The following EPS8 variants were observed in gnomAD, a reference collection of about 807,000 sequenced individuals.
EPS8 encodes the protein EGFR pathway substrate 8, signaling adaptor, also known as epidermal growth factor receptor kinase substrate 8.
Under a neutral mutation model 103.8 loss-of-function variants are expected in EPS8, and 42 were observed. The observed-to-expected ratio is 0.40, with a 90% CI of 0.32 to 0.52. The LOEUF (loss-of-function observed/expected upper bound fraction) is 0.52. EPS8 is among the 20% of genes least tolerant of loss of function. The probability of loss-of-function intolerance (pLI) is 0.40; values close to 1 mark genes in which losing one functional copy is unlikely to be tolerated. For missense variants in EPS8, 969 were observed against 1,005.1 expected, an observed-to-expected ratio of 0.96 and a Z score of 0.49; for synonymous variants, 344 against 344.6, an observed-to-expected ratio of 1.00 and a Z score of 0.02.
At chr12:15,642,720 A>G (rs1278125984) in intron 15 of EPS8, among the ~76,000 whole-genome samples, 1 of 152,180 alleles carries the variant, frequency 6.6e-6, no homozygotes, top group Non-Finnish European at 1.5e-5. Flanking sequence ...GCAGGTAGAG[A>G]CTAAAGATGT....
chr12:15,739,021 A>G (rs1298194125), intron 1 of EPS8, among the ~76,000 whole-genome samples: 1 of 152,202 alleles, frequency 6.6e-6, no homozygotes, highest in Non-Finnish European at 1.5e-5. Flanking sequence ...TCCCTGGGTT[A>G]CTATTCTAAG....
rs181098885 is a variant in EPS8 at position 15,701,273 on chromosome 12, C to T, written c.-21-18301G>A. On this transcript the variant is annotated intron_variant, in intron 1 of 20. Transcript: ENST00000281172. The surrounding 1 kb of genome is among the most constrained non-coding windows in gnomAD (Gnocchi z 5.1). Reference sequence around the variant, plus strand: ...GCATTAATTCAATTGATAAGCATAACTCTAAAAGGCAGGTACTACTTTTAT... The same window carrying T: ...GCATTAATTCAATTGATAAGCATAATTCTAAAAGGCAGGTACTACTTTTAT... Among the ~76,000 whole-genome samples the T allele has an allele frequency of 5.1e-4, 78 of 152,280 alleles. No individual in the cohort carries two copies. Among genetic ancestry groups the T allele is most frequent in the Admixed American group, 4.5e-3 (69 of 15,286 alleles).
chr12:15,784,694 C>T lies in EPS8; in HGVS notation c.-22+4467G>A, dbSNP rs1024922863. Among the ~76,000 whole-genome samples, 1 of 152,128 alleles carries T rather than the reference C, an allele frequency of 6.6e-6. No individual in the cohort carries two copies. The highest frequency in any genetic ancestry group is 2.4e-5 in the African/African-American group (1 of 41,434). ...ACCCAAAAACCTGCATGTGAATATT[C>T]ATAGCAGCTTCGTTCATACTTGCCA... On this transcript the variant is annotated intron_variant, in intron 1 of 20. Transcript: ENST00000281172. This position sits in a 1 kb window ranked among gnomAD's most constrained non-coding sequence, Gnocchi z 4.0.
intron 1 of EPS8, chr12:15,782,021 T>C (rs1947265430): frequency 6.6e-6 from 1 of 152,198 alleles, no homozygotes; most frequent in African/African-American, 2.4e-5. Context: ...AACATGAGTT[T>C]TGGAGAGGAC....
intron 3 of EPS8, 96 bp downstream of exon 3, chr12:15,681,130 A>G: frequency 2.0e-6 from 1 of 495,942 alleles, no homozygotes; most frequent in Non-Finnish European, 3.5e-6. Flanking sequence ...ATTCCAAACA[A>G]TATTAAATGT....
chr12:15,678,341 TGGTGGGTATTAGAAACAAA>T (rs1945944820), intron 3 of EPS8, among the ~76,000 whole-genome samples: 1 of 152,134 alleles, frequency 6.6e-6, no homozygotes, highest in African/African-American at 2.4e-5. Context: ...TGAGAGACAG[TGGTGGGTATTAGAAACAAA>T]GAGGAAAGAA....
chr12:15,639,255 A>G (rs1160209826), intron 17 of EPS8, among the ~76,000 whole-genome samples: 1 of 152,162 alleles, frequency 6.6e-6, no homozygotes, highest in Non-Finnish European at 1.5e-5. Flanking sequence ...AGCATATACT[A>G]CCTCTATGGG....
At position 15,733,186 on chromosome 12, in the gene EPS8, G is replaced by A. The variant is rs1048655690; in HGVS notation, c.-21-50214C>T. On this transcript the variant is annotated intron_variant, in intron 1 of 20. Coordinates refer to ENST00000281172, the MANE Select transcript of EPS8 (RefSeq NM_004447.6). The surrounding 1 kb of genome is among the most constrained non-coding windows in gnomAD (Gnocchi z 4.8). ...AGGAAAGAGGTTTAATTGACTCACA[G>A]TTCCACGGGCTTAACAGGAAGCATA... Among the ~76,000 whole-genome samples, 3 of 152,222 alleles carry A rather than the reference G, an allele frequency of 2.0e-5. No individual in the cohort carries two copies. The highest frequency in any genetic ancestry group is 7.2e-5 in the African/African-American group (3 of 41,460).
intron 15 of EPS8, among the ~76,000 whole-genome samples, chr12:15,642,851 T>C (rs1165175023): frequency 2.6e-5 from 4 of 152,178 alleles, no homozygotes; most frequent in African/African-American, 9.7e-5. Context: ...AGGTTTTTGT[T>C]ACCTCTTAGG....
At chr12:15,723,777 A>T (rs1382251714) in intron 1 of EPS8, among the ~76,000 whole-genome samples, 1 of 152,190 alleles carries the variant, frequency 6.6e-6, no homozygotes, top group Non-Finnish European at 1.5e-5. Flanking sequence ...TACTTAATCC[A>T]AAACCAAAAG....
At chr12:15,662,727 C>T (rs113178913) in intron 8 of EPS8, 22 of 885,098 alleles carry the variant, frequency 2.5e-5, no homozygotes, top group Non-Finnish European at 2.7e-5. Flanking sequence ...TGATGTTAAT[C>T]ATGAAGTTAT....
chr12:15,742,226 C>T (rs1341058882), intron 1 of EPS8, among the ~76,000 whole-genome samples: 1 of 152,178 alleles, frequency 6.6e-6, no homozygotes, highest in African/African-American at 2.4e-5. Flanking sequence ...TGGGTACATA[C>T]CCAGTAATGG....
At chr12:15,675,273 T>C (rs1945883860) in intron 3 of EPS8, among the ~76,000 whole-genome samples, 1 of 152,216 alleles carries the variant, frequency 6.6e-6, no homozygotes, top group Non-Finnish European at 1.5e-5. Flanking sequence ...TTCCTACTTG[T>C]TAACATCACA....
At chr12:15,756,085 C>A (rs1005050451) in intron 1 of EPS8, among the ~76,000 whole-genome samples, 4 of 152,170 alleles carry the variant, frequency 2.6e-5, no homozygotes, top group Non-Finnish European at 5.9e-5. Flanking sequence ...ACTTAACTTA[C>A]TAAACTGTTG....
Position 15,785,799 on chromosome 12 carries a change from CA to C in EPS8, c.-22+3361del, listed in dbSNP as rs1947305130. Among the ~76,000 whole-genome samples, 1 of 151,442 alleles carries C rather than the reference CA, an allele frequency of 6.6e-6. No homozygotes were observed. On this transcript the variant is annotated intron_variant, in intron 1 of 20. Coordinates refer to ENST00000281172, the MANE Select transcript of EPS8 (RefSeq NM_004447.6). The surrounding 1 kb of genome is among the most constrained non-coding windows in gnomAD (Gnocchi z 4.9). ...ATACCAGAAAGTAAGGAAATGCTTC[CA>C]AAAAAACAAAATTCACATTGATGGT...
chr12:15,758,573 C>T (rs1295864050), intron 1 of EPS8, among the ~76,000 whole-genome samples: 2 of 152,108 alleles, frequency 1.3e-5, no homozygotes, highest in Non-Finnish European at 2.9e-5. Context: ...GGCTACCATA[C>T]TGTACAGCAC....
chr12:15,657,725 C>T (rs1945532427), intron 12 of EPS8, among the ~76,000 whole-genome samples: 1 of 152,184 alleles, frequency 6.6e-6, no homozygotes, highest in African/African-American at 2.4e-5. Flanking sequence ...AAGAACTAGA[C>T]TTCTCATGAT....
chr12:15,676,259 CAAAAAAAAAAA>C (rs888576581), intron 3 of EPS8, among the ~76,000 whole-genome samples: 5 of 16,334 alleles, frequency 3.1e-4, no homozygotes, highest in Non-Finnish European at 6.4e-4. Flanking sequence ...GACTCCATCT[CAAAAAAAAAAA>C]AAAAAAAAAA....
Position 15,780,257 on chromosome 12 carries a change from G to A in EPS8, c.-22+8904C>T, listed in dbSNP as rs4343077. 102,236 of 151,908 alleles carry A rather than the reference G, an allele frequency of 0.67. 38,810 individuals are homozygous for A. The highest frequency in any genetic ancestry group is 0.87 in the South Asian group (4,195 of 4,814). 9.4% of individuals were successfully genotyped at this position (151,908 alleles called of 1,614,324 possible). On this transcript the variant is annotated intron_variant, in intron 1 of 20. Transcript: ENST00000281172. This position sits in a 1 kb window ranked among gnomAD's most constrained non-coding sequence, Gnocchi z 4.1. Reference sequence around the variant, plus strand: ...TCATTCAGTTCTTTCTAATACTCCCGTAAGCTCTGAATGTGGGAATGTGCA... The same window carrying A: ...TCATTCAGTTCTTTCTAATACTCCCATAAGCTCTGAATGTGGGAATGTGCA...
Sources: allele counts gnomAD v4.1 joint callset (sites outside exome capture counted in the v4.1 genomes callset), GRCh38; gene constraint gnomAD v4.1.1; non-coding constraint Gnocchi (gnomAD v3.1); transcripts MANE v1.5; gene names NCBI Gene and HGNC (gene_info 2026-07-23, HGNC 2026-07-21).